Variants in PRKN observed in about 807,000 individuals in gnomAD.
The protein encoded by PRKN is E3 ubiquitin-protein ligase parkin.
Under a neutral mutation model 59.5 loss-of-function variants are expected in PRKN, and 56 were observed. That is an observed-to-expected ratio of 0.94 (90% CI 0.76 to 1.18). The LOEUF is 1.18. PRKN is among the 50% of genes most tolerant of loss of function. The probability of loss-of-function intolerance (pLI) is 0.00; values close to 1 mark genes in which losing one functional copy is unlikely to be tolerated. For synonymous variants in PRKN, 250 were observed against 222.1 expected (o/e 1.13, Z -1.12); for missense variants, 657 against 596.4 (o/e 1.10, Z -1.06).
intron 4 of PRKN, among the ~76,000 whole-genome samples, chr6:162,162,421 A>C (rs532344679): frequency 6.6e-6 from 1 of 152,214 alleles, no homozygotes; most frequent in African/African-American, 2.4e-5. Context: ...GGAACCAGCC[A>C]CCCGACAGAC....
At chr6:161,852,386 G>C (rs1793475203) in intron 6 of PRKN, among the ~76,000 whole-genome samples, 1 of 152,056 alleles carries the variant, frequency 6.6e-6, no homozygotes, top group South Asian at 2.1e-4. Flanking sequence ...CCAAGAGTTT[G>C]AGGCTGCAAT....
chr6:162,165,719 C>T (rs1782947437), intron 4 of PRKN, among the ~76,000 whole-genome samples: 1 of 148,886 alleles, frequency 6.7e-6, no homozygotes. Context: ...GCACAACTAT[C>T]TGTCAGCCCA....
At chr6:162,528,336 A>T (rs570637650) in intron 1 of PRKN, among the ~76,000 whole-genome samples, 258 of 151,294 alleles carry the variant, frequency 1.7e-3, no homozygotes, top group African/African-American at 6.0e-3. Context: ...AAAAAAAAAA[A>T]TTTACTCAGA....
At position 161,825,290 on chromosome 6, in the gene PRKN, AT is replaced by A. The variant is rs1468604902; in HGVS notation, c.735-39383del. Among the ~76,000 whole-genome samples, 36 of 152,206 alleles carry A rather than the reference AT, an allele frequency of 2.4e-4. 1 individual carries two copies. Among genetic ancestry groups the A allele is most frequent in the Admixed American group, 2.4e-3 (36 of 15,288 alleles). On this transcript the variant is annotated intron_variant, in intron 6 of 11. Transcript: ENST00000366898. The stretch of plus-strand genomic sequence containing the variant: ...TCCTGGTATCTACTGAATTTTTAAA[AT>A]TTATAATCTGTTGTAATTTTCTTAT...
chr6:162,235,386 C>A (rs1778609112), intron 3 of PRKN, among the ~76,000 whole-genome samples: 1 of 152,162 alleles, frequency 6.6e-6, no homozygotes, highest in Non-Finnish European at 1.5e-5. Context: ...CGACATGCCT[C>A]CGTCATTCTG....
At chr6:162,076,338 G>T (rs1026702094) in intron 4 of PRKN, among the ~76,000 whole-genome samples, 2 of 151,798 alleles carry the variant, frequency 1.3e-5, no homozygotes, top group Non-Finnish European at 2.9e-5. Flanking sequence ...CTTTGTCCTT[G>T]GACAAGTATG....
At chr6:162,140,812 T>C (rs1345555978) in intron 4 of PRKN, among the ~76,000 whole-genome samples, 1 of 152,080 alleles carries the variant, frequency 6.6e-6, no homozygotes, top group Non-Finnish European at 1.5e-5. Context: ...TTTTTAAAAG[T>C]GGTAGCACAG....
chr6:161,729,871 CT>C (rs1484409847), intron 7 of PRKN, among the ~76,000 whole-genome samples: 1 of 150,532 alleles, frequency 6.6e-6, no homozygotes, highest in African/African-American at 2.5e-5. Context: ...ATGTTGCATT[CT>C]TTCTGATGTG....
intron 7 of PRKN, among the ~76,000 whole-genome samples, chr6:161,669,009 G>T (rs1430877869): frequency 6.6e-6 from 1 of 152,192 alleles, no homozygotes; most frequent in East Asian, 1.9e-4. Context: ...GTTAAGAAGT[G>T]GGCCTTTGGG....
At chr6:162,600,489 G>A (rs1208472007) in intron 1 of PRKN, among the ~76,000 whole-genome samples, 2 of 152,102 alleles carry the variant, frequency 1.3e-5, no homozygotes, top group Non-Finnish European at 2.9e-5. Flanking sequence ...AAGTGTATAC[G>A]TAAGAGTACT....
intron 7 of PRKN, among the ~76,000 whole-genome samples, chr6:161,741,191 A>G (rs1788168235): frequency 6.6e-6 from 1 of 152,202 alleles, no homozygotes; most frequent in South Asian, 2.1e-4. Flanking sequence ...TAAAAAGCTG[A>G]AGGGCATCTG....
In PRKN at chr6:162,352,932, G is replaced by A. The variant is rs146315728; in HGVS notation, c.172-90167C>T. Among the ~76,000 whole-genome samples the A allele has an allele frequency of 1.5e-4, 23 of 152,226 alleles. No individual in the cohort carries two copies. The East Asian group carries it at 3.9e-3, about 26-fold the overall frequency. ...TGAATAGATGGGGACTGAATGCAGC[G>A]TGCTTACTTTAAAACAAAAATGTGG... On this transcript the variant is annotated intron_variant, in intron 2 of 11. Transcript: ENST00000366898.
intron 2 of PRKN, among the ~76,000 whole-genome samples, chr6:162,304,206 C>T (rs775270505): frequency 5.3e-5 from 8 of 150,408 alleles, no homozygotes; most frequent in African/African-American, 9.8e-5. Flanking sequence ...CTTATGTTGC[C>T]GCAATCCCCT....
intron 5 of PRKN, among the ~76,000 whole-genome samples, chr6:161,992,384 C>T (rs1371142778): frequency 1.3e-5 from 2 of 152,084 alleles, no homozygotes; most frequent in Non-Finnish European, 2.9e-5. Flanking sequence ...TATAATGAAA[C>T]ATGTATCAAT....
chr6:161,351,651 G>A (rs1010953015), intron 11 of PRKN, among the ~76,000 whole-genome samples: 2 of 152,134 alleles, frequency 1.3e-5, no homozygotes, highest in Non-Finnish European at 2.9e-5. Context: ...TAGGGAATAT[G>A]TTCCTTAATG....
intron 3 of PRKN, 58 bp downstream of exon 3, chr6:162,262,467 C>T (rs1391386693): frequency 1.2e-6 from 2 of 1,606,018 alleles, no homozygotes; most frequent in Non-Finnish European, 1.7e-6. Context: ...ATGCTCCATG[C>T]AGACTGCACT....
rs151243521 is a variant in PRKN at position 162,039,381 on chromosome 6, T to C, written c.618+14710A>G. 7.7e-3 allele frequency among the ~76,000 whole-genome samples: 1,178 copies of C among 152,284 alleles called. 5 individuals are homozygous for C. The highest frequency in any genetic ancestry group is 0.014 in the Non-Finnish European group (940 of 68,028). ...CCCCATTGTTGGAGGTGGGGTCTGG[T>C]GGGACGTGTTTGGATCCTGAGGGCA... On this transcript the variant is annotated intron_variant, in intron 5 of 11. Coordinates refer to ENST00000366898, the MANE Select transcript of PRKN (RefSeq NM_004562.3).
intron 1 of PRKN, among the ~76,000 whole-genome samples, chr6:162,583,379 AC>A (rs1780865168): frequency 1.3e-5 from 2 of 152,236 alleles, no homozygotes; most frequent in African/African-American, 4.8e-5. Context: ...TAGGACAGAA[AC>A]ACTGCGAGAA....
chr6:161,989,277 TAC>T (rs68149831), intron 5 of PRKN, among the ~76,000 whole-genome samples: 79,467 of 151,916 alleles, frequency 0.52, 20,991 homozygotes, highest in Middle Eastern at 0.59. Flanking sequence ...AATATATATA[TAC>T]ACCATCCAGG....
Sources: allele counts gnomAD v4.1 joint callset (sites outside exome capture counted in the v4.1 genomes callset), GRCh38; gene constraint gnomAD v4.1.1; transcripts MANE v1.5; gene names NCBI Gene and HGNC (gene_info 2026-07-23, HGNC 2026-07-21).